The following ARFIP1 variants were observed in gnomAD, a reference collection of about 807,000 sequenced individuals.
ARFIP1 encodes ARF interacting protein 1.
Under a neutral mutation model 42.5 loss-of-function variants are expected in ARFIP1, and 24 were observed. The ratio of observed to expected loss-of-function variants is 0.57; its 90% confidence interval spans 0.41 to 0.80. The LOEUF (loss-of-function observed/expected upper bound fraction) is 0.80, where lower values mean the gene tolerates loss of function less well. Among genes scored for constraint, ARFIP1 ranks in the 30% least tolerant of loss-of-function variants. The probability of loss-of-function intolerance (pLI) is 0.00; values close to 1 mark genes in which losing one functional copy is unlikely to be tolerated. For synonymous variants in ARFIP1, 141 were observed against 153.7 expected, an observed-to-expected ratio of 0.92 and a Z score of 0.61; for missense variants, 354 against 434.0, an observed-to-expected ratio of 0.82 and a Z score of 1.64.
chr4:152,887,996 G>T, intron 7 of ARFIP1, 137 bp from the exon 8 acceptor site: 1 of 516,480 alleles, frequency 1.9e-6, no homozygotes. Context: ...GATTTCAAAA[G>T]CGTCAAGTAG....
intron 5 of ARFIP1, among the ~76,000 whole-genome samples, chr4:152,878,220 A>C (rs543592072): frequency 1.8e-4 from 28 of 152,198 alleles, no homozygotes; most frequent in Non-Finnish European, 3.7e-4. Context: ...TTATATGGAA[A>C]ACTGAATAGG....
At chr4:152,904,075 A>G (rs1409830645) in intron 8 of ARFIP1, among the ~76,000 whole-genome samples, 1 of 151,346 alleles carries the variant, frequency 6.6e-6, no homozygotes, top group Non-Finnish European at 1.5e-5. Flanking sequence ...TTTTAAGTTC[A>G]TGGGTACACG....
At chr4:152,889,620 A>G (rs946989512) in intron 8 of ARFIP1, among the ~76,000 whole-genome samples, 1 of 129,988 alleles carries the variant, frequency 7.7e-6, no homozygotes, top group Non-Finnish European at 1.6e-5. Flanking sequence ...ATATACATAT[A>G]TATACTATAT....
chr4:152,834,423 C>T (rs143017163), intron 2 of ARFIP1, among the ~76,000 whole-genome samples: 7 of 152,260 alleles, frequency 4.6e-5, no homozygotes, highest in Admixed American at 1.3e-4. Flanking sequence ...TATGAGTGTG[C>T]GAGACCAAAA....
At chr4:152,803,521 T>C (rs1251205702) in intron 1 of ARFIP1, among the ~76,000 whole-genome samples, 1 of 152,144 alleles carries the variant, frequency 6.6e-6, no homozygotes, top group East Asian at 1.9e-4. Context: ...CAGACATTGC[T>C]AAATGGTGGG....
intron 2 of ARFIP1, among the ~76,000 whole-genome samples, chr4:152,854,192 C>T (rs1425618143): frequency 6.6e-6 from 1 of 152,114 alleles, no homozygotes; most frequent in Non-Finnish European, 1.5e-5. Flanking sequence ...GCATTACAGG[C>T]ATAAGCCACC....
intron 2 of ARFIP1, among the ~76,000 whole-genome samples, chr4:152,847,121 G>GTTTTTTTTTTTTTT (rs1561139273): frequency 2.1e-5 from 1 of 48,178 alleles, no homozygotes; most frequent in African/African-American, 8.0e-5. Flanking sequence ...TTTTAGGTTT[G>GTTTTTTTTTTTTTT]TTCTTTTTTT....
At position 152,853,275 on chromosome 4, in the gene ARFIP1, G is replaced by C. The variant is rs184971079; in HGVS notation, c.94-10331G>C. Among the ~76,000 whole-genome samples, 4 of 152,196 alleles carry C rather than the reference G, an allele frequency of 2.6e-5. No individual in the cohort carries two copies. In the East Asian group the frequency reaches 7.7e-4, roughly 29 times the overall value. On this transcript the variant is annotated intron_variant, in intron 2 of 8. Coordinates refer to ENST00000353617, the MANE Select transcript of ARFIP1 (RefSeq NM_001025595.3). ...TTTGCTTTACCTGTGAGTTTTGTAT[G>C]TTCATGTGTTTTGATGATGGTAAAT...
intron 8 of ARFIP1, among the ~76,000 whole-genome samples, chr4:152,896,050 G>C (rs1737293460): frequency 6.6e-6 from 1 of 152,142 alleles, no homozygotes; most frequent in African/African-American, 2.4e-5. Context: ...ACTTGGCCAG[G>C]TGTGTGTGTT....
intron 1 of ARFIP1, among the ~76,000 whole-genome samples, chr4:152,808,406 C>T: frequency 6.9e-6 from 1 of 145,836 alleles, no homozygotes; most frequent in Non-Finnish European, 1.5e-5. Context: ...TGGATTGTTT[C>T]CAGGTTTTGG....
intron 2 of ARFIP1, among the ~76,000 whole-genome samples, chr4:152,852,045 T>C (rs1432490966): frequency 6.6e-6 from 1 of 152,212 alleles, no homozygotes; most frequent in African/African-American, 2.4e-5. Flanking sequence ...GTTTGAAAAA[T>C]ATTTTTAAAA....
At chr4:152,802,743 A>G (rs1728522133) in intron 1 of ARFIP1, among the ~76,000 whole-genome samples, 1 of 152,176 alleles carries the variant, frequency 6.6e-6, no homozygotes, top group Admixed American at 6.5e-5. Flanking sequence ...ATTACGTTTT[A>G]CTATGAATAA....
chr4:152,905,542 A>ATTTTTTTTT (rs1391678382), intron 8 of ARFIP1, among the ~76,000 whole-genome samples: 3 of 45,958 alleles, frequency 6.5e-5, no homozygotes, highest in Admixed American at 2.9e-4. Flanking sequence ...AATTGTAAGA[A>ATTTTTTTTT]TTGTTTTTTT....
chr4:152,892,597 G>T (rs1167469109), intron 8 of ARFIP1, among the ~76,000 whole-genome samples: 2 of 152,146 alleles, frequency 1.3e-5, no homozygotes, highest in Non-Finnish European at 2.9e-5. Flanking sequence ...CTATAAAATT[G>T]ATGTGTTTAT....
intron 2 of ARFIP1, among the ~76,000 whole-genome samples, chr4:152,842,906 A>G (rs1732212193): frequency 6.6e-6 from 1 of 151,764 alleles, no homozygotes; most frequent in African/African-American, 2.4e-5. Flanking sequence ...AACCTCCTGA[A>G]TTCTTTTTCA....
chr4:152,798,114 G>A (rs1731584452), intron 1 of ARFIP1, among the ~76,000 whole-genome samples: 1 of 152,144 alleles, frequency 6.6e-6, no homozygotes, highest in South Asian at 2.1e-4. Flanking sequence ...GCTGGGCATT[G>A]TGGCAGGCAC....
intron 2 of ARFIP1, among the ~76,000 whole-genome samples, chr4:152,830,679 T>G (rs558157200): frequency 8.5e-4 from 130 of 152,286 alleles, no homozygotes; most frequent in East Asian, 5.0e-3. Flanking sequence ...AAATTGTACT[T>G]TGTTGGGTGT....
chr4:152,825,591 A>G (rs1039953016), intron 1 of ARFIP1, among the ~76,000 whole-genome samples: 4 of 152,244 alleles, frequency 2.6e-5, no homozygotes, highest in African/African-American at 9.6e-5. Context: ...ACATTCTGGA[A>G]GAAAACCTAG....
intron 7 of ARFIP1, among the ~76,000 whole-genome samples, chr4:152,886,014 C>T (rs2149895492): frequency 6.6e-6 from 1 of 152,106 alleles, no homozygotes; most frequent in South Asian, 2.1e-4. Flanking sequence ...AGCCAAAAGG[C>T]AGAGAGGTCA....
Sources: allele counts gnomAD v4.1 joint callset (sites outside exome capture counted in the v4.1 genomes callset), GRCh38; gene constraint gnomAD v4.1.1; transcripts MANE v1.5; gene names NCBI Gene and HGNC (gene_info 2026-07-23, HGNC 2026-07-21).